STAM2: variants seen among roughly 807,000 people sequenced by gnomAD.
STAM2 encodes the protein signal transducing adaptor molecule 2.
STAM2 carries 51 observed loss-of-function variants against 65.6 expected under a neutral mutation model. That is an observed-to-expected ratio of 0.78 (90% CI 0.62 to 0.98). STAM2 has a LOEUF of 0.98. Ranked by LOEUF, STAM2 falls within the 50% of genes least tolerant of loss-of-function variation. The pLI is 0.00. For synonymous variants in STAM2, 198 were observed against 208.4 expected, an observed-to-expected ratio of 0.95 and a Z score of 0.43; for missense variants, 584 against 617.8, an observed-to-expected ratio of 0.95 and a Z score of 0.58.
intron 11 of STAM2, chr2:152,131,573 A>C (rs1165626041): frequency 6.5e-6 from 1 of 154,180 alleles, no homozygotes; most frequent in African/African-American, 2.4e-5. Flanking sequence ...AAAGAGGAAA[A>C]AGTCAGTGGA....
At chr2:152,149,157 A>G (rs926951859) in intron 2 of STAM2, among the ~76,000 whole-genome samples, 1 of 152,044 alleles carries the variant, frequency 6.6e-6, no homozygotes, top group African/African-American at 2.4e-5. Context: ...TTTTTGTTAT[A>G]TTATCTACTG....
Position 152,123,918 on chromosome 2 carries a change from T to C in STAM2, c.1197A>G (p.Ser399=), listed in dbSNP as rs752395461. ...GVPMQTYPVQ[S]HGGNYMGQSI... ...TCTGACCCATATAGTTTCCACCATG[T>C]GATTGAACTGGATATGTCTATTAAT... Residue 399 remains serine (S), a synonymous_variant, in exon 13 of 14, where the codon TCA becomes TCG. Coordinates refer to ENST00000263904, the MANE Select transcript of STAM2 (RefSeq NM_005843.6). 6.2e-7 allele frequency: 1 copy of C among 1,614,098 alleles called. No homozygotes were observed. The highest frequency in any genetic ancestry group is 8.5e-7 in the Non-Finnish European group (1 of 1,179,982).
rs372578758 is a variant in STAM2 at position 152,148,298 on chromosome 2, G to A, written c.128C>T (p.Ala43Val). Residue 43 changes from alanine to valine, a missense_variant and splice_region_variant, in exon 3 of 14, where the codon GCG (alanine) becomes GTG (valine). Physicochemically the swap from Ala to Val is moderately conservative, Grantham distance 64. Coordinates refer to ENST00000263904, the MANE Select transcript of STAM2 (RefSeq NM_005843.6). ...CDKVGSTPNG[A>V]KDCLKAIMKR... is the part of the protein sequence containing the mutation. ...CATTATGGCTTTTAGGCAATCTTTC[G>A]CTCTAAAAAAAAAAAGAGAGAGAGA... 28 of 1,591,138 alleles carry A rather than the reference G, an allele frequency of 1.8e-5. No individual in the cohort carries two copies. The African/African-American group carries it at 2.1e-4, about 12-fold the overall frequency.
chr2:152,148,938 T>C (rs1309238770), intron 2 of STAM2, among the ~76,000 whole-genome samples: 1 of 152,152 alleles, frequency 6.6e-6, no homozygotes, highest in African/African-American at 2.4e-5. Context: ...TTGAAAAAAA[T>C]CTAACATGAT....
At chr2:152,172,263 G>A (rs1454373521) in intron 1 of STAM2, among the ~76,000 whole-genome samples, 1 of 152,106 alleles carries the variant, frequency 6.6e-6, no homozygotes, top group Non-Finnish European at 1.5e-5. Flanking sequence ...GGGCTTGTAG[G>A]TTCTGATGCC....
intron 7 of STAM2, among the ~76,000 whole-genome samples, chr2:152,141,375 A>G (rs914401199): frequency 4.0e-5 from 6 of 151,346 alleles, no homozygotes; most frequent in African/African-American, 1.5e-4. Context: ...CTCTACTAAA[A>G]ATACAAAAAT....
chr2:152,162,064 C>A (rs1579333526), intron 1 of STAM2, among the ~76,000 whole-genome samples: 1 of 152,110 alleles, frequency 6.6e-6, no homozygotes, highest in Non-Finnish European at 1.5e-5. Flanking sequence ...CTCAGGTGAT[C>A]CACTCATCTT....
At chr2:152,174,661 A>C (rs566114405) in intron 1 of STAM2, among the ~76,000 whole-genome samples, 3 of 152,198 alleles carry the variant, frequency 2.0e-5, no homozygotes, top group African/African-American at 7.2e-5. Flanking sequence ...CCAAGTTCTA[A>C]AAATTTACCT....
intron 2 of STAM2, among the ~76,000 whole-genome samples, chr2:152,148,562 C>A (rs1262717901): frequency 6.6e-6 from 1 of 152,110 alleles, no homozygotes; most frequent in Non-Finnish European, 1.5e-5. Context: ...CCTAGCTACT[C>A]AGGAGGCTGA....
intron 2 of STAM2, 123 bp from the exon 3 acceptor site, chr2:152,148,423 A>C: frequency 1.3e-6 from 1 of 788,936 alleles, no homozygotes; most frequent in Non-Finnish European, 1.9e-6. Context: ...TAATTCCAAC[A>C]CTTCGGGAAG....
chr2:152,146,286 A>G (rs1206508964), intron 5 of STAM2, among the ~76,000 whole-genome samples: 2 of 151,838 alleles, frequency 1.3e-5, no homozygotes. Context: ...AAAAAAAAAA[A>G]AAAATCTTTT....
chr2:152,119,823 T>TA lies in STAM2; in HGVS notation c.*750dup, dbSNP rs958046693. 6 of 152,332 alleles carry TA rather than the reference T, an allele frequency of 3.9e-5. No homozygotes were observed. Among genetic ancestry groups the TA allele is most frequent in the Admixed American group, 3.3e-4 (5 of 15,298 alleles). The allele number at this position is 152,332 out of a possible 1,614,324, so 9.4% of individuals were successfully genotyped here. Reference sequence around the variant, plus strand: ...TGGCATGACTGTTTGGGGGACTGACTAAATGCTTTATCACACATCTGCATT... The same window carrying TA: ...TGGCATGACTGTTTGGGGGACTGACTAAAATGCTTTATCACACATCTGCATT... On this transcript the variant is annotated 3_prime_UTR_variant, in exon 14 of 14. Coordinates refer to ENST00000263904, the MANE Select transcript of STAM2 (RefSeq NM_005843.6).
At chr2:152,139,531 C>T (rs915708251) in intron 7 of STAM2, among the ~76,000 whole-genome samples, 15 of 152,184 alleles carry the variant, frequency 9.9e-5, no homozygotes, top group Non-Finnish European at 8.8e-5. Flanking sequence ...ATAACCACTG[C>T]ACTCCAGCCT....
intron 1 of STAM2, among the ~76,000 whole-genome samples, chr2:152,157,360 A>C (rs2105557664): frequency 6.6e-6 from 1 of 152,340 alleles, no homozygotes; most frequent in South Asian, 2.1e-4. Context: ...TTGAAGCCGT[A>C]ATCCCCAGTG....
At position 152,118,599 on chromosome 2, in the gene STAM2, C is replaced by A. The variant is rs1688794918; in HGVS notation, c.*1975G>T. On this transcript the variant is annotated 3_prime_UTR_variant, in exon 14 of 14. Transcript: ENST00000263904. ...TGAGATCACAATTATACATGAAATA[C>A]ACAAACATTAAAATAAGTTTATTAA... 6.6e-6 allele frequency: 1 copy of A among 151,320 alleles called. No homozygotes were observed. Among genetic ancestry groups the A allele is most frequent in the Non-Finnish European group, 1.5e-5 (1 of 67,788 alleles). 9.4% of individuals were successfully genotyped at this position (151,320 alleles called of 1,614,324 possible). A position where few individuals can be genotyped will look rare whatever the true frequency, so the allele number is the denominator to read the frequency against.
intron 1 of STAM2, among the ~76,000 whole-genome samples, chr2:152,155,803 T>C (rs1254549362): frequency 6.6e-6 from 1 of 152,232 alleles, no homozygotes; most frequent in Non-Finnish European, 1.5e-5. Context: ...CCCTTTCACA[T>C]GTAAATCTTT....
intron 8 of STAM2, 37 bp from the exon 9 acceptor site, chr2:152,133,521 T>TAC: frequency 6.6e-7 from 1 of 1,516,302 alleles, no homozygotes; most frequent in Non-Finnish European, 9.1e-7. Context: ...CCTCAGCATT[T>TAC]ACTTCAGTAA....
At chr2:152,169,275 C>T (rs539028115) in intron 1 of STAM2, among the ~76,000 whole-genome samples, 7 of 152,012 alleles carry the variant, frequency 4.6e-5, no homozygotes, top group Admixed American at 1.3e-4. Context: ...TTTTTGGTTT[C>T]GTTTTTTTGT....
At chr2:152,156,212 C>A (rs965119959) in intron 1 of STAM2, among the ~76,000 whole-genome samples, 9 of 152,032 alleles carry the variant, frequency 5.9e-5, no homozygotes, top group Non-Finnish European at 1.2e-4. Flanking sequence ...TGGGAAATTC[C>A]TGATTTGAAT....
Sources: gnomAD v4.1 joint callset for allele counts (sites outside exome capture counted in the v4.1 genomes callset) on GRCh38, gnomAD v4.1.1 for gene constraint, MANE v1.5 for transcripts, NCBI Gene and HGNC (gene_info 2026-07-23, HGNC 2026-07-21) for gene names.